CDYL2: variants seen among roughly 807,000 people sequenced by gnomAD.
CDYL2 encodes chromodomain Y-like protein 2.
In CDYL2, 23 loss-of-function variants were observed where a neutral mutation model predicts 49.4. The observed-to-expected ratio is 0.47, with a 90% CI of 0.34 to 0.66. The LOEUF is 0.66. Among genes scored for constraint, CDYL2 ranks in the 30% least tolerant of loss-of-function variants. CDYL2 has a pLI of 0.01. For synonymous variants in CDYL2, 360 were observed against 268.8 expected (o/e 1.34, Z -3.32); for missense variants, 678 against 656.4 (o/e 1.03, Z -0.36).
intron 2 of CDYL2, among the ~76,000 whole-genome samples, chr16:80,656,149 A>T (rs1448492761): frequency 1.3e-5 from 2 of 152,326 alleles, no homozygotes; most frequent in African/African-American, 4.8e-5. Flanking sequence ...GGCTGTTTTG[A>T]ACTCAATCAA....
chr16:80,637,054 G>C (rs1406444867), intron 2 of CDYL2, among the ~76,000 whole-genome samples: 1 of 152,124 alleles, frequency 6.6e-6, no homozygotes, highest in Non-Finnish European at 1.5e-5. Flanking sequence ...GGCTTGTCTG[G>C]GGGTGGAGTG....
At chr16:80,761,575 G>A (rs111431143) in intron 1 of CDYL2, among the ~76,000 whole-genome samples, 18 of 152,158 alleles carry the variant, frequency 1.2e-4, no homozygotes, top group South Asian at 4.2e-4. Context: ...AATCACCTGC[G>A]GAGCCTTTTC....
At chr16:80,610,896 G>A (rs1296395972) in intron 5 of CDYL2, among the ~76,000 whole-genome samples, 2 of 152,120 alleles carry the variant, frequency 1.3e-5, no homozygotes, top group African/African-American at 2.4e-5. Flanking sequence ...ACCTTGCTGA[G>A]GCAGGCACAA....
At chr16:80,693,597 C>G (rs750357886) in intron 1 of CDYL2, among the ~76,000 whole-genome samples, 16 of 152,206 alleles carry the variant, frequency 1.1e-4, no homozygotes, top group Middle Eastern at 6.8e-3. Flanking sequence ...GAATACCACT[C>G]AGAAATTAAA....
chr16:80,616,411 G>T (rs59338992), intron 4 of CDYL2, among the ~76,000 whole-genome samples: 1 of 152,040 alleles, frequency 6.6e-6, no homozygotes, highest in Admixed American at 6.5e-5. Flanking sequence ...TCAATTCTCA[G>T]ATTGGTCTGT....
intron 6 of CDYL2, among the ~76,000 whole-genome samples, chr16:80,604,834 C>A (rs189264876): frequency 6.6e-6 from 1 of 152,172 alleles, no homozygotes; most frequent in African/African-American, 2.4e-5. Context: ...ACACAGAGTC[C>A]TTTTCTATAG....
At chr16:80,658,970 T>A (rs778067039) in intron 2 of CDYL2, among the ~76,000 whole-genome samples, 16 of 152,192 alleles carry the variant, frequency 1.1e-4, no homozygotes, top group Non-Finnish European at 2.4e-4. Context: ...ATGTTTTCAA[T>A]AGTAAAATAA....
intron 4 of CDYL2, among the ~76,000 whole-genome samples, chr16:80,619,716 G>A (rs577590552): frequency 1.4e-4 from 21 of 152,324 alleles, no homozygotes; most frequent in African/African-American, 4.1e-4. Flanking sequence ...GCCCAGGCTC[G>A]TCATGTCTCT....
intron 3 of CDYL2, 64 bp from the exon 4 acceptor site, chr16:80,620,999 A>C: frequency 6.9e-7 from 1 of 1,454,836 alleles, no homozygotes; most frequent in Non-Finnish European, 9.2e-7. Flanking sequence ...GGGCTTTCAG[A>C]CTGCAAGACA....
rs368350164 is a variant in CDYL2 at position 80,767,054 on chromosome 16, T to C, written c.24+37096A>G. Among the ~76,000 whole-genome samples, 68 of 152,256 alleles carry C rather than the reference T, an allele frequency of 4.5e-4. No individual in the cohort carries two copies. The Middle Eastern group carries it at 0.01, about 23-fold the overall frequency. On this transcript the variant is annotated intron_variant, in intron 1 of 6. Coordinates refer to ENST00000570137, the MANE Select transcript of CDYL2 (RefSeq NM_152342.4). ...TCATTGCAGACCTAGGCTGTGAACT[T>C]ATCAGTGTGGTCCCAGAACCTGCAC...
rs1905956272 is a variant in CDYL2 at position 80,598,909 on chromosome 16, G to A, written c.*5479C>T. On this transcript the variant is annotated 3_prime_UTR_variant, in exon 7 of 7. Transcript: ENST00000570137. ...CTTTGTTAGAATAATGGAATTCTTT[G>A]GTTCTCGGTTTTATGAAAGGCAATA... 6.6e-6 allele frequency: 1 copy of A among 152,070 alleles called. No homozygotes were observed. The highest frequency in any genetic ancestry group is 1.5e-5 in the Non-Finnish European group (1 of 68,036). The allele number at this position is 152,070 out of a possible 1,614,324, so 9.4% of individuals were successfully genotyped here. A position where few individuals can be genotyped will look rare whatever the true frequency, so the allele number is the denominator to read the frequency against.
intron 1 of CDYL2, among the ~76,000 whole-genome samples, chr16:80,718,973 T>C (rs574129019): frequency 9.5e-4 from 144 of 152,194 alleles, no homozygotes; most frequent in Middle Eastern, 3.4e-3. Flanking sequence ...TGGCAGTAAA[T>C]CCAAAGTTGT....
intron 1 of CDYL2, among the ~76,000 whole-genome samples, chr16:80,714,984 T>G (rs1904747505): frequency 6.6e-6 from 1 of 152,030 alleles, no homozygotes; most frequent in African/African-American, 2.4e-5. Context: ...GTGGAGTCAC[T>G]AAGGATCAGA....
At chr16:80,624,409 G>GA (rs1907215810) in intron 3 of CDYL2, among the ~76,000 whole-genome samples, 1 of 152,144 alleles carries the variant, frequency 6.6e-6, no homozygotes, top group Non-Finnish European at 1.5e-5. Flanking sequence ...CCCACATGGG[G>GA]AAGAATCCAC....
chr16:80,638,516 G>A (rs573827436), intron 2 of CDYL2, among the ~76,000 whole-genome samples: 26 of 152,276 alleles, frequency 1.7e-4, no homozygotes, highest in South Asian at 2.1e-4. Flanking sequence ...AAAGACCTAG[G>A]TAATACTGAT....
At chr16:80,670,609 T>C (rs979588705) in intron 2 of CDYL2, among the ~76,000 whole-genome samples, 2 of 152,144 alleles carry the variant, frequency 1.3e-5, no homozygotes, top group South Asian at 2.1e-4. Flanking sequence ...AGTCCACCCA[T>C]CTGGCTTCTC....
At chr16:80,620,225 G>T (rs753180994) in intron 4 of CDYL2, among the ~76,000 whole-genome samples, 1 of 152,170 alleles carries the variant, frequency 6.6e-6, no homozygotes, top group Admixed American at 6.5e-5. Context: ...GGATGTCACC[G>T]CCAGGATCCC....
chr16:80,709,924 G>A (rs1372992744), intron 1 of CDYL2, among the ~76,000 whole-genome samples: 2 of 147,264 alleles, frequency 1.4e-5, no homozygotes, highest in Non-Finnish European at 3.0e-5. Flanking sequence ...ATGGACAGCA[G>A]GCTGATTTTT....
chr16:80,712,854 C>G (rs1040436620), intron 1 of CDYL2, among the ~76,000 whole-genome samples: 2 of 152,178 alleles, frequency 1.3e-5, no homozygotes, highest in African/African-American at 4.8e-5. Context: ...AATTTTATAT[C>G]CCCTGGGTGT....
Sources: gnomAD v4.1 joint callset for allele counts (sites outside exome capture counted in the v4.1 genomes callset) on GRCh38, gnomAD v4.1.1 for gene constraint, MANE v1.5 for transcripts, NCBI Gene and HGNC (gene_info 2026-07-23, HGNC 2026-07-21) for gene names.